Variants in DOCK3 observed in about 807,000 individuals in gnomAD.
DOCK3 encodes the protein dedicator of cytokinesis 3, also known as dedicator of cytokinesis protein 3.
DOCK3 carries 60 observed loss-of-function variants against 265.6 expected under a neutral mutation model. The ratio of observed to expected loss-of-function variants is 0.23; its 90% CI spans 0.18 to 0.28. The LOEUF is 0.28. Ranked by LOEUF, DOCK3 falls within the 10% of genes least tolerant of loss-of-function variation. The pLI is 1.00. For synonymous variants in DOCK3, 881 were observed against 938.0 expected (o/e 0.94, Z 1.11); for missense variants, 1,981 against 2,594.3 (o/e 0.76, Z 5.14).
At chr3:51,037,059 A>C (rs891254196) in intron 5 of DOCK3, among the ~76,000 whole-genome samples, 3 of 152,140 alleles carry the variant, frequency 2.0e-5, no homozygotes, top group African/African-American at 7.2e-5. Flanking sequence ...AAATGGACTA[A>C]TACACATCTA....
chr3:51,305,049 T>C (rs1191936356), intron 27 of DOCK3, among the ~76,000 whole-genome samples: 1 of 152,268 alleles, frequency 6.6e-6, no homozygotes, highest in Non-Finnish European at 1.5e-5. Flanking sequence ...TGTTGTTAGA[T>C]GGAGTGTTCT....
At position 51,362,693 on chromosome 3, in the gene DOCK3, T is replaced by C. The variant is rs370448336; in HGVS notation, c.5293+19T>C. On this transcript the variant is annotated intron_variant, in intron 49 of 52. Coordinates refer to ENST00000266037, the MANE Select transcript of DOCK3 (RefSeq NM_004947.5). ...GCCCGAGGTAAGGATGGCAGGGTGC[T>C]ACTTGCAGAATGGAGAAGAGAGGTC... The C allele has an allele frequency of 7.8e-5, 126 of 1,610,600 alleles. No individual in the cohort carries two copies. Among genetic ancestry groups the C allele is most frequent in the Non-Finnish European group, 1.0e-4 (119 of 1,178,518 alleles).
At chr3:51,095,740 T>C (rs1189630266) in intron 9 of DOCK3, among the ~76,000 whole-genome samples, 2 of 148,580 alleles carry the variant, frequency 1.3e-5, no homozygotes, top group African/African-American at 5.0e-5. Context: ...ACTCAAAAGC[T>C]CTCTCAATTC....
chr3:50,773,101 A>G (rs1184891787), intron 1 of DOCK3, among the ~76,000 whole-genome samples: 1 of 152,158 alleles, frequency 6.6e-6, no homozygotes, highest in South Asian at 2.1e-4. Context: ...ACACAGAACA[A>G]TGGAACAGAA....
chr3:51,366,013 G>A (rs9683154), intron 49 of DOCK3, among the ~76,000 whole-genome samples: 6 of 152,168 alleles, frequency 3.9e-5, no homozygotes, highest in African/African-American at 1.2e-4. Flanking sequence ...AAATGAATTA[G>A]GGAGGATTCC....
intron 2 of DOCK3, among the ~76,000 whole-genome samples, chr3:50,809,591 A>G (rs1297293737): frequency 2.0e-5 from 3 of 152,220 alleles, no homozygotes; most frequent in Non-Finnish European, 4.4e-5. Context: ...CAAAATACCT[A>G]TAAAAATGTT....
chr3:51,317,265 CA>C lies in DOCK3; in HGVS notation c.3402+2149del, dbSNP rs145412899. On this transcript the variant is annotated intron_variant, in intron 32 of 52. Coordinates refer to ENST00000266037, the MANE Select transcript of DOCK3 (RefSeq NM_004947.5). The stretch of plus-strand genomic sequence containing the variant: ...TCTGCCTTGGTCAAAAACCAATTGC[CA>C]AAAAAAAAAAAGAAAAACAAATGGG... 5.7e-3 allele frequency among the ~76,000 whole-genome samples: 565 copies of C among 98,780 alleles called. 1 individual carries two copies. The highest frequency in any genetic ancestry group is 0.016 in the African/African-American group (424 of 26,654). 64.8% of individuals were successfully genotyped at this position (98,780 alleles called of 152,430 possible).
intron 32 of DOCK3, among the ~76,000 whole-genome samples, chr3:51,320,125 C>T (rs1224325946): frequency 6.6e-6 from 1 of 152,154 alleles, no homozygotes; most frequent in Non-Finnish European, 1.5e-5. Flanking sequence ...GTACCCAGCT[C>T]ATCTCATTGG....
intron 49 of DOCK3, among the ~76,000 whole-genome samples, chr3:51,371,246 A>G (rs1186027414): frequency 6.6e-6 from 1 of 152,250 alleles, no homozygotes; most frequent in Admixed American, 6.5e-5. Context: ...ACTCCAGAAT[A>G]TCACACAGAG....
chr3:51,108,181 C>T (rs1399745227), intron 9 of DOCK3, among the ~76,000 whole-genome samples: 1 of 152,050 alleles, frequency 6.6e-6, no homozygotes, highest in African/African-American at 2.4e-5. Context: ...ATTACAGGCA[C>T]ATGCCTGGCT....
At chr3:50,791,119 C>T (rs2042453685) in intron 2 of DOCK3, among the ~76,000 whole-genome samples, 2 of 152,046 alleles carry the variant, frequency 1.3e-5, no homozygotes, top group South Asian at 4.1e-4. Flanking sequence ...AATAAGATCC[C>T]ATTTGTCAAT....
intron 1 of DOCK3, among the ~76,000 whole-genome samples, chr3:50,742,959 A>T (rs200468102): frequency 1.3e-5 from 2 of 152,242 alleles, no homozygotes; most frequent in Non-Finnish European, 1.5e-5. Flanking sequence ...CGGGTTACCC[A>T]CAAAGGGAAG....
intron 46 of DOCK3, among the ~76,000 whole-genome samples, chr3:51,360,224 C>T (rs752517123): frequency 2.6e-5 from 4 of 152,216 alleles, no homozygotes; most frequent in Non-Finnish European, 2.9e-5. Context: ...TAACACACTC[C>T]TATGAGCTCA....
At chr3:50,877,952 T>C (rs1204697485) in intron 3 of DOCK3, among the ~76,000 whole-genome samples, 1 of 152,172 alleles carries the variant, frequency 6.6e-6, no homozygotes. Flanking sequence ...GCAGCAACAT[T>C]TGCCGTTCTG....
At position 51,158,029 on chromosome 3, in the gene DOCK3, C is replaced by T. The variant is rs115069710; in HGVS notation, c.829-1215C>T. On this transcript the variant is annotated intron_variant, in intron 10 of 52. Transcript: ENST00000266037. ...GGAAAAGGAAATGGAACTAAGGGAG[C>T]CTTTCCTAGAAGCGAAAGGGAGATC... Among the ~76,000 whole-genome samples the T allele has an allele frequency of 5.5e-3, 836 of 151,934 alleles. 4 individuals carry two copies. Among genetic ancestry groups the T allele is most frequent in the African/African-American group, 0.019 (781 of 41,398 alleles).
At chr3:50,990,501 A>G (rs2078065722) in intron 5 of DOCK3, among the ~76,000 whole-genome samples, 2 of 152,224 alleles carry the variant, frequency 1.3e-5, no homozygotes, top group South Asian at 2.1e-4. Flanking sequence ...CTGGGGGCCT[A>G]TATTCAACAT....
intron 3 of DOCK3, among the ~76,000 whole-genome samples, chr3:50,860,412 A>G (rs951325950): frequency 6.6e-6 from 1 of 152,036 alleles, no homozygotes; most frequent in Non-Finnish European, 1.5e-5. Context: ...GGCCTGGAGG[A>G]CTTACCCAGT....
intron 5 of DOCK3, among the ~76,000 whole-genome samples, chr3:51,038,702 A>G (rs2080364381): frequency 1.3e-5 from 2 of 152,192 alleles, no homozygotes; most frequent in Non-Finnish European, 2.9e-5. Context: ...TTGGACCCCA[A>G]GTAAGGGTTG....
At chr3:50,924,103 T>C (rs767574416) in intron 4 of DOCK3, among the ~76,000 whole-genome samples, 2 of 152,220 alleles carry the variant, frequency 1.3e-5, no homozygotes, top group Non-Finnish European at 2.9e-5. Flanking sequence ...CATATTGTTA[T>C]CTGTGTATGC....
Sources: gnomAD v4.1 joint callset for allele counts (sites outside exome capture counted in the v4.1 genomes callset) on GRCh38, gnomAD v4.1.1 for gene constraint, MANE v1.5 for transcripts, NCBI Gene and HGNC (gene_info 2026-07-23, HGNC 2026-07-21) for gene names.